Variants in RBM34 observed in about 807,000 individuals in gnomAD.
The protein encoded by RBM34 is RNA-binding protein 34.
RBM34 carries 39 observed loss-of-function variants against 44.6 expected under a neutral mutation model. The observed-to-expected ratio is 0.87, with a 90% CI of 0.68 to 1.14. The LOEUF is 1.14. Among genes scored for constraint, RBM34 ranks in the 50% most tolerant of loss-of-function variants. RBM34 has a pLI of 0.00. For synonymous variants in RBM34, 194 were observed against 184.0 expected, an observed-to-expected ratio of 1.05 and a Z score of -0.44; for missense variants, 572 against 517.9, an observed-to-expected ratio of 1.10 and a Z score of -1.01.
chr1:235,148,929 G>A (rs1476383214), intron 5 of RBM34, among the ~76,000 whole-genome samples: 2 of 151,796 alleles, frequency 1.3e-5, no homozygotes, highest in African/African-American at 2.4e-5. Context: ...AACGAAGCTC[G>A]TGGCTTAGGA....
chr1:235,159,384 T>C (rs1662592755), intron 3 of RBM34, among the ~76,000 whole-genome samples: 1 of 151,622 alleles, frequency 6.6e-6, no homozygotes, highest in Admixed American at 6.6e-5. Context: ...ACCCCGTCTC[T>C]ACTAAGAATA....
At chr1:235,155,844 T>TACGTATAC (rs1310649349) in intron 3 of RBM34, among the ~76,000 whole-genome samples, 1 of 28,316 alleles carries the variant, frequency 3.5e-5, no homozygotes, top group African/African-American at 1.4e-4. Flanking sequence ...TATATATATA[T>TACGTATAC]ATATATATAT....
chr1:235,139,258 C>A (rs1229579292), intron 6 of RBM34, among the ~76,000 whole-genome samples: 2 of 152,150 alleles, frequency 1.3e-5, no homozygotes, highest in Non-Finnish European at 2.9e-5. Flanking sequence ...AAGAAGGGAA[C>A]TGGAAAATAG....
In RBM34 at chr1:235,131,806, G is replaced by C. The variant is rs1250073097; in HGVS notation, c.1200C>G (p.Ser400Arg). The change falls in exon 11 of 11, where the codon AGC (serine) becomes AGG (arginine). Residue 400 changes from serine to arginine, a missense_variant. Physicochemically the swap from Ser to Arg is moderately radical, Grantham distance 110. Coordinates refer to ENST00000408888, the MANE Select transcript of RBM34 (RefSeq NM_015014.4). ...GAACAGCTTTTTCTCCAATAAATAA[G>C]CTTTTAGGATGTCCTTCTGCAGTTT... is the stretch of plus-strand genomic sequence containing the variant. ...TSKTAEGHPK[S>R]LFIGEKAVLL... 11 of 1,613,926 alleles carry C rather than the reference G, an allele frequency of 6.8e-6. No homozygotes were observed. Among genetic ancestry groups the C allele is most frequent in the South Asian group, 1.1e-5 (1 of 91,082 alleles).
At chr1:235,136,257 G>C (rs751174078) in intron 8 of RBM34, 184 bp from the exon 9 acceptor site, 2 of 619,596 alleles carry the variant, frequency 3.2e-6, no homozygotes, top group Non-Finnish European at 5.8e-6. Context: ...GTGGGTACCA[G>C]AGGAGGGGAG....
chr1:235,153,968 T>C (rs1030901259), intron 4 of RBM34, among the ~76,000 whole-genome samples: 7 of 151,988 alleles, frequency 4.6e-5, no homozygotes, highest in African/African-American at 1.4e-4. Context: ...AGAACGAGGC[T>C]GGGTGCGGTT....
chr1:235,156,346 T>C (rs1298805508), intron 3 of RBM34, among the ~76,000 whole-genome samples: 1 of 152,182 alleles, frequency 6.6e-6, no homozygotes, highest in Non-Finnish European at 1.5e-5. Flanking sequence ...AAATCTGCCA[T>C]GCAACAGCAG....
chr1:235,142,496 C>T (rs1296586760), intron 6 of RBM34, among the ~76,000 whole-genome samples: 1 of 150,298 alleles, frequency 6.7e-6, no homozygotes, highest in Non-Finnish European at 1.5e-5. Flanking sequence ...CCAGGCTGGT[C>T]TTAAAATCCT....
intron 6 of RBM34, 152 bp downstream of exon 6, chr1:235,148,252 A>G (rs987231556): frequency 6.5e-6 from 3 of 464,264 alleles, no homozygotes; most frequent in Admixed American, 4.3e-5. Context: ...TGACAAATCT[A>G]AAGGCTCTCA....
chr1:235,143,326 C>A (rs896438467), intron 6 of RBM34, among the ~76,000 whole-genome samples: 1 of 152,118 alleles, frequency 6.6e-6, no homozygotes, highest in African/African-American at 2.4e-5. Flanking sequence ...TACAATATAC[C>A]GTAAGATCTG....
rs1162071293 is a variant in RBM34, at chr1:235,161,067, T to C, written c.54A>G (p.Gly18=). 1.2e-6 allele frequency: 2 copies of C among 1,611,908 alleles called. No homozygotes were observed. Among genetic ancestry groups the C allele is most frequent in the Non-Finnish European group, 1.7e-6 (2 of 1,178,242 alleles). Residue 18 remains glycine, a splice_region_variant and synonymous_variant, in exon 2 of 11, where the codon GGA becomes GGG. Transcript: ENST00000408888. The stretch of plus-strand genomic sequence containing the variant: ...CGCGAACGCCGTCGTCAGGATTCTC[T>C]CTAGAAATGGACGACAGAAACTCAG... The part of the protein sequence containing the change: ...KRKRKRSVQE[G]ENPDDGVRGS...
At chr1:235,146,304 A>C (rs1258053372) in intron 6 of RBM34, among the ~76,000 whole-genome samples, 1 of 152,144 alleles carries the variant, frequency 6.6e-6, no homozygotes, top group African/African-American at 2.4e-5. Flanking sequence ...CATCAGTGGG[A>C]GATTTGATAA....
intron 6 of RBM34, among the ~76,000 whole-genome samples, chr1:235,140,681 G>A (rs558668833): frequency 1.3e-5 from 2 of 152,358 alleles, no homozygotes; most frequent in African/African-American, 4.8e-5. Flanking sequence ...GAGTGCAGGC[G>A]CACGGCATGG....
chr1:235,152,646 A>T, intron 5 of RBM34, 60 bp downstream of exon 5: 1 of 1,575,530 alleles, frequency 6.3e-7, no homozygotes, highest in Non-Finnish European at 8.6e-7. Flanking sequence ...CAATAAGTTC[A>T]TCTGATTTAA....
chr1:235,159,391 A>C (rs888126248), intron 3 of RBM34, among the ~76,000 whole-genome samples: 1 of 151,722 alleles, frequency 6.6e-6, no homozygotes, highest in African/African-American at 2.4e-5. Context: ...CTCTACTAAG[A>C]ATACAAAAAT....
chr1:235,155,101 A>G lies in RBM34; in HGVS notation c.377T>C (p.Leu126Pro). The change falls in exon 4 of 11, where the codon CTA becomes CCA. Residue 126 changes from leucine (L) to proline (P), a missense_variant. By Grantham distance (98) the Leu-to-Pro change is moderately conservative. Coordinates refer to ENST00000408888, the MANE Select transcript of RBM34 (RefSeq NM_015014.4). ...EKKLADRESA[L>P]ASADLEEEIH... ...TTCTTCTTCTAAATCAGCACTCGCTAGAGCGCTTTCCCTTTTTAAGGCAAA... is the reference window on the plus strand; with the variant it reads ...TTCTTCTTCTAAATCAGCACTCGCTGGAGCGCTTTCCCTTTTTAAGGCAAA... 6.2e-7 allele frequency: 1 copy of G among 1,611,718 alleles called. No homozygotes were observed. The highest frequency in any genetic ancestry group is 8.5e-7 in the Non-Finnish European group (1 of 1,179,532).
intron 3 of RBM34, among the ~76,000 whole-genome samples, chr1:235,156,409 G>T (rs936856544): frequency 2.0e-5 from 3 of 152,124 alleles, no homozygotes; most frequent in African/African-American, 7.2e-5. Context: ...TGGAGATTTA[G>T]TTTACACTCT....
rs758675388 is a variant in RBM34, at chr1:235,131,859, G to A, written c.1147C>T (p.Pro383Ser). ...GAAGTAAAATTAAGTCCCTGCTTAG[G>A]TTTACTGACATTCTTCAATCGTGGA... The part of the protein sequence containing the change: ...SNPRLKNVSK[P>S]KQGLNFTSKT... The change falls in exon 11 of 11, where the codon CCT (proline) becomes TCT (serine). Residue 383 changes from proline (P) to serine (S), a missense_variant. Pro to Ser is a moderately conservative substitution (Grantham distance 74). Transcript: ENST00000408888. The A allele has an allele frequency of 1.2e-6, 2 of 1,614,040 alleles. No individual in the cohort carries two copies. Among genetic ancestry groups the A allele is most frequent in the East Asian group, 4.5e-5 (2 of 44,864 alleles).
chr1:235,155,864 T>TATATATATATACATAC (rs1553275378), intron 3 of RBM34, among the ~76,000 whole-genome samples: 1 of 81,160 alleles, frequency 1.2e-5, no homozygotes, highest in African/African-American at 9.8e-5. Flanking sequence ...TATATATATA[T>TATATATATATACATAC]ATACATATAT....
Sources: gnomAD v4.1 joint callset for allele counts (sites outside exome capture counted in the v4.1 genomes callset) on GRCh38, gnomAD v4.1.1 for gene constraint, MANE v1.5 for transcripts, NCBI Gene and HGNC (gene_info 2026-07-23, HGNC 2026-07-21) for gene names.